SCUBE1: variants seen among roughly 807,000 people sequenced by gnomAD.
SCUBE1 encodes the protein signal peptide, CUB and EGF-like domain-containing protein 1.
SCUBE1 carries 59 observed loss-of-function variants against 124.4 expected under a neutral mutation model. The ratio of observed to expected loss-of-function variants is 0.47; its 90% CI spans 0.38 to 0.59. The LOEUF (loss-of-function observed/expected upper bound fraction) is 0.59, where lower values mean the gene tolerates loss of function less well. Among genes scored for constraint, SCUBE1 ranks in the 20% least tolerant of loss-of-function variants. SCUBE1 has a pLI of 0.00. For synonymous variants in SCUBE1, 545 were observed against 550.9 expected (o/e 0.99, Z 0.15); for missense variants, 1,150 against 1,371.2 (o/e 0.84, Z 2.55).
intron 4 of SCUBE1, among the ~76,000 whole-genome samples, chr22:43,265,173 A>C (rs756777791): frequency 1.3e-5 from 2 of 152,190 alleles, no homozygotes; most frequent in Non-Finnish European, 1.5e-5. Flanking sequence ...TGGGTAATGG[A>C]ATATTAAGCC....
At position 43,253,005 on chromosome 22, in the gene SCUBE1, C is replaced by T. The variant is rs544248333; in HGVS notation, c.727+5214G>A. 4.6e-5 allele frequency among the ~76,000 whole-genome samples: 7 copies of T among 150,876 alleles called. No homozygotes were observed. In the East Asian group the frequency reaches 5.9e-4, roughly 13 times the overall value. On this transcript the variant is annotated intron_variant, in intron 6 of 21. Coordinates refer to ENST00000360835, the MANE Select transcript of SCUBE1 (RefSeq NM_173050.5). ...ATAAAACGTGGGGGCAGGATGGGAA[C>T]GGTCACCTCCCTACCTAAGTCTGTA...
At chr22:43,244,349 C>T (rs1923122472) in intron 6 of SCUBE1, among the ~76,000 whole-genome samples, 2 of 152,254 alleles carry the variant, frequency 1.3e-5, no homozygotes, top group Admixed American at 6.5e-5. Flanking sequence ...AGGCCTCTCC[C>T]ACTGACCACA....
chr22:43,254,719 G>A (rs1445528618), intron 6 of SCUBE1, among the ~76,000 whole-genome samples: 2 of 152,232 alleles, frequency 1.3e-5, no homozygotes, highest in African/African-American at 2.4e-5. Context: ...GGCGACCACA[G>A]CTACGCTCAG....
chr22:43,294,850 G>A (rs1041601334), intron 3 of SCUBE1, among the ~76,000 whole-genome samples: 4 of 152,294 alleles, frequency 2.6e-5, no homozygotes, highest in South Asian at 2.1e-4. Context: ...AGAGGTGAGC[G>A]TTGAGGCTGG....
rs560702794 is a variant in SCUBE1 at position 43,210,908 on chromosome 22, G to A, written c.2383+14C>T. On this transcript the variant is annotated intron_variant, in intron 18 of 21. Transcript: ENST00000360835. This position sits in a 1 kb window ranked among gnomAD's most constrained non-coding sequence, Gnocchi z 4.5. ...CGTGTTCCCAGCTTCCCACGGCAGA[G>A]CAGCAGCACCCACTTTTGCAGTGTG... 1.2e-6 allele frequency: 2 copies of A among 1,613,788 alleles called. No individual in the cohort carries two copies. Among genetic ancestry groups the A allele is most frequent in the African/African-American group, 2.7e-5 (2 of 75,052 alleles).
chr22:43,324,075 C>G (rs1238799891), intron 2 of SCUBE1, among the ~76,000 whole-genome samples: 1 of 152,156 alleles, frequency 6.6e-6, no homozygotes, highest in Non-Finnish European at 1.5e-5. Flanking sequence ...GTCAGACCTC[C>G]TAGTTAGGGG....
At chr22:43,302,071 G>A (rs1006798845) in intron 3 of SCUBE1, among the ~76,000 whole-genome samples, 1 of 152,246 alleles carries the variant, frequency 6.6e-6, no homozygotes, top group Admixed American at 6.5e-5. Context: ...TGGGTCAGGG[G>A]CTGACATCAG....
chr22:43,327,623 T>C (rs1926770067), intron 2 of SCUBE1, among the ~76,000 whole-genome samples: 2 of 151,894 alleles, frequency 1.3e-5, no homozygotes, highest in African/African-American at 4.8e-5. Flanking sequence ...CTGTCTCTAC[T>C]AAAAATACAA....
chr22:43,239,149 G>T, intron 6 of SCUBE1, 195 bp from the exon 7 acceptor site: 1 of 598,218 alleles, frequency 1.7e-6, no homozygotes, highest in Non-Finnish European at 3.0e-6. Context: ...TCTGTGAAAT[G>T]GGGGAATGAC....
intron 2 of SCUBE1, among the ~76,000 whole-genome samples, chr22:43,322,307 C>A (rs1303217149): frequency 6.6e-6 from 1 of 152,144 alleles, no homozygotes; most frequent in East Asian, 1.9e-4. Context: ...CTGAGAGATA[C>A]TGATTACTTC....
At chr22:43,273,219 A>G (rs866706092) in intron 4 of SCUBE1, among the ~76,000 whole-genome samples, 1 of 152,330 alleles carries the variant, frequency 6.6e-6, no homozygotes, top group South Asian at 2.1e-4. Context: ...GGAGACAGAC[A>G]GAGCTGGGAC....
chr22:43,301,485 C>T (rs1368397843), intron 3 of SCUBE1, among the ~76,000 whole-genome samples: 2 of 152,198 alleles, frequency 1.3e-5, no homozygotes, highest in East Asian at 3.9e-4. Context: ...CAGGCCTTGG[C>T]ATTTGCTCCT....
intron 2 of SCUBE1, among the ~76,000 whole-genome samples, chr22:43,330,639 T>C (rs1926875618): frequency 6.6e-6 from 1 of 152,228 alleles, no homozygotes; most frequent in Admixed American, 6.5e-5. Context: ...ATTTTACGGA[T>C]GGGCAAACTG....
chr22:43,207,695 T>C lies in SCUBE1; in HGVS notation c.2735-82A>G. 3 of 1,085,396 alleles carry C rather than the reference T, an allele frequency of 2.8e-6. No individual in the cohort carries two copies. The South Asian group carries it at 3.8e-5, about 14-fold the overall frequency. The allele number at this position is 1,085,396 out of a possible 1,614,324, so 67.2% of individuals were successfully genotyped here. A position where few individuals can be genotyped will look rare whatever the true frequency, so the allele number is the denominator to read the frequency against. ...CCCCTTTCACCTCCAGCCTCTGCCC[T>C]CCCTCCTGTGCTCCAGCCACGGGCT... On this transcript the variant is annotated intron_variant, in intron 20 of 21. Transcript: ENST00000360835.
At chr22:43,289,514 A>C (rs1925275987) in intron 4 of SCUBE1, among the ~76,000 whole-genome samples, 1 of 152,246 alleles carries the variant, frequency 6.6e-6, no homozygotes, top group African/African-American at 2.4e-5. Flanking sequence ...GGCAACAAAC[A>C]CTAAGAATTC....
At chr22:43,342,918 G>C (rs895046964) in intron 1 of SCUBE1, among the ~76,000 whole-genome samples, 5 of 151,556 alleles carry the variant, frequency 3.3e-5, no homozygotes, top group African/African-American at 1.2e-4. Context: ...CCTCGCTCCC[G>C]CGCTCGCGCT....
intron 21 of SCUBE1, among the ~76,000 whole-genome samples, chr22:43,206,353 CAT>C (rs111267022): frequency 6.6e-6 from 1 of 151,802 alleles, no homozygotes; most frequent in Admixed American, 6.6e-5. Context: ...ACTCACCACA[CAT>C]GCCTCCACAA....
intron 4 of SCUBE1, among the ~76,000 whole-genome samples, chr22:43,286,459 G>A (rs1350115307): frequency 6.6e-6 from 1 of 152,268 alleles, no homozygotes; most frequent in Non-Finnish European, 1.5e-5. Context: ...GAGCCCTGCA[G>A]GACAGCCTCC....
At chr22:43,315,256 C>T (rs1485732501) in intron 3 of SCUBE1, among the ~76,000 whole-genome samples, 1 of 152,010 alleles carries the variant, frequency 6.6e-6, no homozygotes, top group Non-Finnish European at 1.5e-5. Context: ...ACCGACCCTC[C>T]GAGACAAGTA....
Sources: gnomAD v4.1 joint callset for allele counts (sites outside exome capture counted in the v4.1 genomes callset) on GRCh38, gnomAD v4.1.1 for gene constraint, Gnocchi (gnomAD v3.1) non-coding constraint, MANE v1.5 for transcripts, NCBI Gene and HGNC (gene_info 2026-07-23, HGNC 2026-07-21) for gene names.